The following TMEM178B variants were observed in gnomAD, a reference collection of about 807,000 sequenced individuals.
TMEM178B encodes the protein transmembrane protein 178B.
A neutral mutation model predicts 31.0 loss-of-function variants in TMEM178B; 5 were observed. The observed-to-expected ratio is 0.16, with a 90% confidence interval of 0.08 to 0.34. The LOEUF (loss-of-function observed/expected upper bound fraction) is 0.34. TMEM178B is among the 10% of genes least tolerant of loss of function. The pLI, the probability that TMEM178B is intolerant of heterozygous loss-of-function variation, is 1.00. For synonymous variants in TMEM178B, 164 were observed against 164.0 expected (o/e 1.00, Z 0.00); for missense variants, 275 against 400.3 (o/e 0.69, Z 2.67).
chr7:141,133,144 C>T (rs756210599), intron 1 of TMEM178B, among the ~76,000 whole-genome samples: 14 of 151,922 alleles, frequency 9.2e-5, no homozygotes, highest in African/African-American at 1.5e-4. Context: ...ACTAGATGTG[C>T]AGGTATTAAT....
At chr7:141,329,322 C>G (rs529839008) in intron 2 of TMEM178B, among the ~76,000 whole-genome samples, 1 of 152,170 alleles carries the variant, frequency 6.6e-6, no homozygotes, top group African/African-American at 2.4e-5. Flanking sequence ...CCTGGGCACC[C>G]TCCTCATACA....
At chr7:141,319,878 G>A (rs567452080) in intron 2 of TMEM178B, among the ~76,000 whole-genome samples, 78 of 152,264 alleles carry the variant, frequency 5.1e-4, no homozygotes, top group African/African-American at 1.8e-3. Flanking sequence ...TCTCAGTGCC[G>A]CTGTTTTTCA....
intron 3 of TMEM178B, among the ~76,000 whole-genome samples, chr7:141,466,561 G>A (rs1802150745): frequency 6.6e-6 from 1 of 152,166 alleles, no homozygotes; most frequent in Non-Finnish European, 1.5e-5. Context: ...GACTTCTCCA[G>A]CATAGCATGG....
At chr7:141,292,956 A>C (rs17133517) in intron 2 of TMEM178B, among the ~76,000 whole-genome samples, 62,096 of 148,248 alleles carry the variant, frequency 0.42, 13,035 homozygotes, top group East Asian at 0.61. Context: ...TTTTTATTGA[A>C]TTCTCTGACT....
At chr7:141,114,444 C>A (rs1795286472) in intron 1 of TMEM178B, among the ~76,000 whole-genome samples, 4 of 152,018 alleles carry the variant, frequency 2.6e-5, no homozygotes, top group Admixed American at 2.6e-4. Context: ...CCTTTCTGCC[C>A]CAGGGTTTCT....
rs372729516 is a variant in TMEM178B at position 141,301,377 on chromosome 7, T to G, written c.496+88673T>G. On this transcript the variant is annotated intron_variant, in intron 2 of 3. Coordinates refer to ENST00000565468, the MANE Select transcript of TMEM178B (RefSeq NM_001195278.2). ...TTTTACCAAAAGTGAGATTCTTAAT[T>G]TGAATAGGGACTTATTTTTCTTCTC... Among the ~76,000 whole-genome samples the G allele has an allele frequency of 2.7e-4, 41 of 152,316 alleles. No individual in the cohort carries two copies. In the South Asian group the frequency reaches 7.9e-3, roughly 29 times the overall value.
chr7:141,382,633 C>T (rs956065545), intron 2 of TMEM178B, among the ~76,000 whole-genome samples: 1 of 152,134 alleles, frequency 6.6e-6, no homozygotes, highest in Admixed American at 6.5e-5. Flanking sequence ...TCATCTATTA[C>T]CAGCATTAAC....
At position 141,298,922 on chromosome 7, in the gene TMEM178B, C is replaced by A. The variant is rs114001429; in HGVS notation, c.496+86218C>A. Among the ~76,000 whole-genome samples the A allele has an allele frequency of 9.6e-3, 1,469 of 152,268 alleles. 10 individuals are homozygous for A. The highest frequency in any genetic ancestry group is 0.033 in the African/African-American group (1,357 of 41,526). ...TTACAAGCCAGGACTTTGACCCCTACTCCAGCCTTCTCCCAGCCCTATTTT... is the reference window on the plus strand; with the variant it reads ...TTACAAGCCAGGACTTTGACCCCTAATCCAGCCTTCTCCCAGCCCTATTTT... On this transcript the variant is annotated intron_variant, in intron 2 of 3. Coordinates refer to ENST00000565468, the MANE Select transcript of TMEM178B (RefSeq NM_001195278.2).
At chr7:141,263,938 G>A (rs989120985) in intron 2 of TMEM178B, among the ~76,000 whole-genome samples, 1 of 152,346 alleles carries the variant, frequency 6.6e-6, no homozygotes. Flanking sequence ...AAGGGAAATG[G>A]CACATAGGGA....
At position 141,361,248 on chromosome 7, in the gene TMEM178B, A is replaced by G. The variant is rs139518415; in HGVS notation, c.497-76360A>G. ...GAGTTGTATCAGAAGCAAGTATCAC[A>G]GGGCCATTTGTCTTCACCATCCCTC... On this transcript the variant is annotated intron_variant, in intron 2 of 3. Coordinates refer to ENST00000565468, the MANE Select transcript of TMEM178B (RefSeq NM_001195278.2). 2.1e-3 allele frequency among the ~76,000 whole-genome samples: 321 copies of G among 152,292 alleles called. 2 individuals are homozygous for G. The highest frequency in any genetic ancestry group is 7.3e-3 in the African/African-American group (303 of 41,566).
At position 141,470,672 on chromosome 7, in the gene TMEM178B, G is replaced by A. The variant is rs1160255677; in HGVS notation, c.771G>A (p.Gly257=). 1.9e-5 allele frequency: 29 copies of A among 1,535,576 alleles called. No homozygotes were observed. The highest frequency in any genetic ancestry group is 2.4e-5 in the Non-Finnish European group (27 of 1,146,826). ...GYGWSMFCAW[G]GLGLTLISGF... is the part of the protein sequence containing the mutation. ...GCTGGTCCATGTTCTGTGCATGGGG[G>A]GGCCTGGGCCTCACACTCATCTCGG... Residue 257 remains glycine, a synonymous_variant, in exon 4 of 4, where the codon GGG becomes GGA. Transcript: ENST00000565468.
At chr7:141,362,897 C>T (rs568486192) in intron 2 of TMEM178B, among the ~76,000 whole-genome samples, 1 of 152,306 alleles carries the variant, frequency 6.6e-6, no homozygotes, top group South Asian at 2.1e-4. Flanking sequence ...AGATACAGCA[C>T]ACCTCTGGCT....
At chr7:141,221,037 T>G (rs1797249047) in intron 2 of TMEM178B, among the ~76,000 whole-genome samples, 1 of 152,216 alleles carries the variant, frequency 6.6e-6, no homozygotes, top group Non-Finnish European at 1.5e-5. Flanking sequence ...GCTGCTGACA[T>G]GTACACTTCA....
the TMEM178B span, among the ~76,000 whole-genome samples, chr7:141,501,782 A>G: frequency 2.0e-5 from 3 of 152,102 alleles, no homozygotes; most frequent in African/African-American, 7.2e-5. Flanking sequence ...GTTACCCTGC[A>G]GGTTTTTGGA....
chr7:141,321,858 C>T (rs532336635), intron 2 of TMEM178B, among the ~76,000 whole-genome samples: 3 of 151,674 alleles, frequency 2.0e-5, no homozygotes, highest in South Asian at 2.1e-4. Flanking sequence ...GTGAGTCTCA[C>T]GTGCAACCAT....
At chr7:141,220,988 G>A (rs1299066471) in intron 2 of TMEM178B, among the ~76,000 whole-genome samples, 3 of 152,164 alleles carry the variant, frequency 2.0e-5, no homozygotes, top group Non-Finnish European at 4.4e-5. Flanking sequence ...GTTGCTTAAT[G>A]TTTAAACATT....
At chr7:141,481,079 C>T (rs1405996606), downstream of TMEM178B, among the ~76,000 whole-genome samples, 1 of 152,220 alleles carries the variant, frequency 6.6e-6, no homozygotes, top group Non-Finnish European at 1.5e-5. Flanking sequence ...GATCTGGACC[C>T]TGCAGTCACC....
intron 2 of TMEM178B, among the ~76,000 whole-genome samples, chr7:141,215,337 A>ATTATTATTATTTTTTTTTTTT (rs55726735): frequency 7.1e-6 from 1 of 141,488 alleles, no homozygotes; most frequent in Non-Finnish European, 1.5e-5. Flanking sequence ...TATTATTATT[A>ATTATTATTATTTTTTTTTTTT]TTTTTTGAGA....
intron 1 of TMEM178B, among the ~76,000 whole-genome samples, chr7:141,200,404 T>C (rs1796856619): frequency 6.6e-6 from 1 of 151,038 alleles, no homozygotes; most frequent in South Asian, 2.1e-4. Flanking sequence ...TTTTAGTGGG[T>C]CTGTCCTGGT....
Sources: allele counts gnomAD v4.1 joint callset (sites outside exome capture counted in the v4.1 genomes callset), GRCh38; gene constraint gnomAD v4.1.1; transcripts MANE v1.5; gene names NCBI Gene and HGNC (gene_info 2026-07-23, HGNC 2026-07-21).